Variants in DTD1 observed in about 807,000 individuals in gnomAD.
DTD1 encodes D-aminoacyl-tRNA deacylase 1, also known as D-tyrosyl-tRNA deacylase 1 homolog.
In DTD1, 13 loss-of-function variants were observed where a neutral mutation model predicts 25.6. The observed-to-expected ratio is 0.51, with a 90% confidence interval of 0.33 to 0.81. The LOEUF (loss-of-function observed/expected upper bound fraction) is 0.81. Among genes scored for constraint, DTD1 ranks in the 30% least tolerant of loss-of-function variants. The pLI is 0.02. For missense variants in DTD1, 193 were observed against 266.4 expected, an observed-to-expected ratio of 0.72 and a Z score of 1.92; for synonymous variants, 110 against 103.6, an observed-to-expected ratio of 1.06 and a Z score of -0.37.
At chr20:18,708,305 TA>T (rs1358403913) in intron 4 of DTD1, among the ~76,000 whole-genome samples, 6 of 56,604 alleles carry the variant, frequency 1.1e-4, no homozygotes, top group South Asian at 4.6e-4. Flanking sequence ...ATAATATATA[TA>T]TTTTATATAT....
At chr20:18,703,068 A>T (rs1346697985) in intron 4 of DTD1, among the ~76,000 whole-genome samples, 2 of 152,052 alleles carry the variant, frequency 1.3e-5, no homozygotes, top group Non-Finnish European at 2.9e-5. Flanking sequence ...ATTTTCAATA[A>T]TTTTTTTCCC....
intron 3 of DTD1, chr20:18,620,058 A>G (rs1025579501): frequency 1.3e-5 from 2 of 152,168 alleles, no homozygotes; most frequent in African/African-American, 4.8e-5. Context: ...ATCTGTATAT[A>G]TGCTGAAGAC....
At chr20:18,711,962 G>A (rs1438533778) in intron 4 of DTD1, among the ~76,000 whole-genome samples, 1 of 152,036 alleles carries the variant, frequency 6.6e-6, no homozygotes, top group Non-Finnish European at 1.5e-5. Flanking sequence ...CCAGCTACAT[G>A]GGAGGCTGAA....
intron 4 of DTD1, among the ~76,000 whole-genome samples, chr20:18,722,887 C>A (rs1317807448): frequency 1.3e-5 from 2 of 152,176 alleles, no homozygotes; most frequent in East Asian, 3.8e-4. Flanking sequence ...TCTGAAAACA[C>A]TGTCTTATTT....
intron 4 of DTD1, among the ~76,000 whole-genome samples, chr20:18,742,683 T>A (rs2061283225): frequency 6.6e-6 from 1 of 152,054 alleles, no homozygotes; most frequent in Non-Finnish European, 1.5e-5. Flanking sequence ...ATAAAACCGG[T>A]CCCTGGTGCC....
intron 3 of DTD1, among the ~76,000 whole-genome samples, chr20:18,610,428 A>G (rs2060681905): frequency 6.6e-6 from 1 of 152,192 alleles, no homozygotes; most frequent in African/African-American, 2.4e-5. Context: ...CTAGGTAATT[A>G]TATGAAGTGC....
intron 3 of DTD1, among the ~76,000 whole-genome samples, chr20:18,601,886 C>T (rs909521377): frequency 2.0e-5 from 3 of 150,904 alleles, no homozygotes; most frequent in Admixed American, 6.6e-5. Flanking sequence ...TCCAAAGGAA[C>T]GCAGTTCCTC....
chr20:18,753,854 C>G (rs2061329825), intron 5 of DTD1, among the ~76,000 whole-genome samples: 1 of 152,046 alleles, frequency 6.6e-6, no homozygotes, highest in Non-Finnish European at 1.5e-5. Flanking sequence ...AGCTCTCAAG[C>G]AAAGGAAGAG....
At position 18,756,904 on chromosome 20, in the gene DTD1, A is replaced by G. The variant is rs1464217707; in HGVS notation, c.*20-6456A>G. On this transcript the variant is annotated intron_variant, in intron 5 of 5. Coordinates refer to ENST00000377452, the MANE Select transcript of DTD1 (RefSeq NM_080820.6). ...ATATTGATTCTTCCTACCCATGAGC[A>G]TGGAATGTTCTTCCATTTGTTTTTA... Among the ~76,000 whole-genome samples the G allele has an allele frequency of 2.0e-5, 3 of 150,802 alleles. No individual in the cohort carries two copies. The East Asian group carries it at 5.8e-4, about 29-fold the overall frequency.
intron 4 of DTD1, among the ~76,000 whole-genome samples, chr20:18,656,064 C>A (rs1314275094): frequency 7.9e-5 from 12 of 152,214 alleles, no homozygotes; most frequent in Admixed American, 7.8e-4. Flanking sequence ...AGCCACCACA[C>A]CTGGCCTCAT....
At chr20:18,647,054 A>G (rs2060853013) in intron 4 of DTD1, among the ~76,000 whole-genome samples, 1 of 152,228 alleles carries the variant, frequency 6.6e-6, no homozygotes, top group South Asian at 2.1e-4. Flanking sequence ...CTGCTCTTCT[A>G]ATCAATCAAG....
intron 4 of DTD1, among the ~76,000 whole-genome samples, chr20:18,705,354 C>T (rs2061122149): frequency 6.6e-6 from 1 of 152,054 alleles, no homozygotes; most frequent in Non-Finnish European, 1.5e-5. Flanking sequence ...CATAATGTGC[C>T]CTCCAACACA....
chr20:18,747,697 A>C (rs984625407), intron 5 of DTD1, among the ~76,000 whole-genome samples: 4 of 152,126 alleles, frequency 2.6e-5, no homozygotes, highest in Non-Finnish European at 4.4e-5. Context: ...CCTGCAGTGA[A>C]TTGGGACCTT....
At chr20:18,610,709 A>C (rs2064851) in intron 3 of DTD1, among the ~76,000 whole-genome samples, 77,545 of 152,012 alleles carry the variant, frequency 0.51, 20,163 homozygotes, top group Middle Eastern at 0.56. Flanking sequence ...CAGGAGTTTA[A>C]GACCAGCCTG....
intron 4 of DTD1, among the ~76,000 whole-genome samples, chr20:18,724,179 G>A (rs749524555): frequency 1.3e-5 from 2 of 152,194 alleles, no homozygotes; most frequent in Non-Finnish European, 2.9e-5. Flanking sequence ...AGCCCCATGA[G>A]CTCTGTGATG....
At chr20:18,757,177 T>C (rs934181942) in intron 5 of DTD1, among the ~76,000 whole-genome samples, 1 of 152,194 alleles carries the variant, frequency 6.6e-6, no homozygotes, top group Non-Finnish European at 1.5e-5. Context: ...TGGGCTGACA[T>C]GATGGGGTTT....
intron 4 of DTD1, among the ~76,000 whole-genome samples, chr20:18,716,424 C>T (rs527989210): frequency 1.3e-5 from 2 of 152,356 alleles, no homozygotes; most frequent in South Asian, 2.1e-4. Flanking sequence ...GTCCAACTCT[C>T]ACCAGGAGAC....
intron 4 of DTD1, among the ~76,000 whole-genome samples, chr20:18,638,662 A>G (rs2060817503): frequency 6.6e-6 from 1 of 152,250 alleles, no homozygotes. Flanking sequence ...TTGATGGAAC[A>G]AGGCCTCATG....
At chr20:18,735,202 T>G (rs1244370294) in intron 4 of DTD1, among the ~76,000 whole-genome samples, 2 of 152,270 alleles carry the variant, frequency 1.3e-5, no homozygotes, top group Non-Finnish European at 2.9e-5. Flanking sequence ...TTTTGTTATT[T>G]TCTTTGCTTT....
Sources: gnomAD v4.1 joint callset for allele counts (sites outside exome capture counted in the v4.1 genomes callset) on GRCh38, gnomAD v4.1.1 for gene constraint, MANE v1.5 for transcripts, NCBI Gene and HGNC (gene_info 2026-07-23, HGNC 2026-07-21) for gene names.